The following PIEZO2 variants were observed in gnomAD, a reference collection of about 807,000 sequenced individuals.
PIEZO2 encodes piezo-type mechanosensitive ion channel component 2.
PIEZO2 carries 172 observed loss-of-function variants against 337.3 expected under a neutral mutation model. The ratio of observed to expected loss-of-function variants is 0.51; its 90% CI spans 0.45 to 0.58. The LOEUF (loss-of-function observed/expected upper bound fraction) is 0.58. PIEZO2 is among the 20% of genes least tolerant of loss of function. The pLI is 0.00. For synonymous variants in PIEZO2, 1,251 were observed against 1,228.5 expected (o/e 1.02, Z -0.38); for missense variants, 3,028 against 3,391.3 (o/e 0.89, Z 2.66).
chr18:10,678,985 T>G lies in PIEZO2; in HGVS notation c.7953-1110A>C, dbSNP rs539531974. Among the ~76,000 whole-genome samples the G allele has an allele frequency of 2.7e-5, 4 of 148,644 alleles. No individual in the cohort carries two copies. In the East Asian group the frequency reaches 7.9e-4, roughly 29 times the overall value. On this transcript the variant is annotated intron_variant, in intron 52 of 55. Coordinates refer to ENST00000674853, the MANE Select transcript of PIEZO2 (RefSeq NM_001378183.1). ...AATCTTGCTGTCACTCAGGCTGGAG[T>G]GCAGTGGCGTGATCTCAGCTCACTG... is the stretch of plus-strand genomic sequence containing the variant.
intron 49 of PIEZO2, among the ~76,000 whole-genome samples, chr18:10,683,738 C>T (rs552968984): frequency 8.7e-4 from 133 of 152,268 alleles, no homozygotes; most frequent in African/African-American, 3.1e-3. Flanking sequence ...AGATCATAGG[C>T]CACTCCTGTC....
At chr18:11,095,388 G>GT (rs1317593316) in intron 1 of PIEZO2, among the ~76,000 whole-genome samples, 1 of 152,154 alleles carries the variant, frequency 6.6e-6, no homozygotes, top group Non-Finnish European at 1.5e-5. Flanking sequence ...CACGGTGTGC[G>GT]TAACCTAAGA....
chr18:11,004,900 G>A (rs1171724353), intron 2 of PIEZO2, among the ~76,000 whole-genome samples: 1 of 152,232 alleles, frequency 6.6e-6, no homozygotes, highest in East Asian at 1.9e-4. Context: ...CAGGAGACAA[G>A]TGCCATGCCC....
rs1361737729 is a variant in PIEZO2 at position 10,677,767 on chromosome 18, T to C, written c.8061A>G (p.Thr2687=). Residue 2687 remains threonine, a synonymous_variant, in exon 53 of 56, where the codon ACA becomes ACG. Coordinates refer to ENST00000674853, the MANE Select transcript of PIEZO2 (RefSeq NM_001378183.1). The surrounding 1 kb of genome is among the most constrained non-coding windows in gnomAD (Gnocchi z 4.1). The stretch of plus-strand genomic sequence containing the variant: ...CTTACACTGGTGTTTTTGAACTTTC[T>C]GTGCTGTTGCCTGCTATCATTTTAG... ...NIAKMIAGNS[T]ESSKTPVTIE... The C allele has an allele frequency of 6.2e-7, 1 of 1,610,908 alleles. No homozygotes were observed. Among genetic ancestry groups the C allele is most frequent in the East Asian group, 2.2e-5 (1 of 44,854 alleles).
At position 10,773,674 on chromosome 18, in the gene PIEZO2, G is replaced by C. The variant is rs548263946; in HGVS notation, c.2568-45C>G. The C allele has an allele frequency of 8.3e-5, 126 of 1,515,054 alleles. 2 individuals carry two copies. The South Asian group carries it at 1.5e-3, about 18-fold the overall frequency. 93.9% of individuals were successfully genotyped at this position (1,515,054 alleles called of 1,614,324 possible). On this transcript the variant is annotated intron_variant, in intron 19 of 55. Coordinates refer to ENST00000674853, the MANE Select transcript of PIEZO2 (RefSeq NM_001378183.1). The surrounding 1 kb of genome is among the most constrained non-coding windows in gnomAD (Gnocchi z 5.3). ...GAGTCAGAAGAGGAAAGGGTGTTGG[G>C]AGAGATTTGACTGAGGGGCAAGTAA...
Position 10,705,441 on chromosome 18 carries a change from T to A in PIEZO2, c.5894A>T (p.Asn1965Ile). Residue 1965 changes from asparagine (N) to isoleucine (I), a missense_variant, in exon 41 of 56, where the codon AAC becomes ATC. Around this residue, in one of 5 missense-constraint regions of PIEZO2, gnomAD observed 1,925 missense variants for 2,051.9 expected, o/e 0.94. Coordinates refer to ENST00000674853, the MANE Select transcript of PIEZO2 (RefSeq NM_001378183.1). The part of the protein sequence containing the change: ...FGSQDDSAGK[N>I]RMAVSPDDSR... The stretch of plus-strand genomic sequence containing the variant: ...GTCGTCCGGGCTGACTGCCATACGG[T>A]TCTTGCCTGCAGAGTCGTCCTGCGA... 6.5e-7 allele frequency: 1 copy of A among 1,537,072 alleles called. No individual in the cohort carries two copies. The highest frequency in any genetic ancestry group is 8.7e-7 in the Non-Finnish European group (1 of 1,146,876).
At chr18:10,873,365 C>G (rs2042185633) in intron 4 of PIEZO2, among the ~76,000 whole-genome samples, 1 of 152,156 alleles carries the variant, frequency 6.6e-6, no homozygotes, top group African/African-American at 2.4e-5. Context: ...TTCCCAAAAG[C>G]CACATAGAGA....
In PIEZO2 at chr18:11,002,116, C is replaced by T. The variant is rs554710912; in HGVS notation, c.161-22456G>A. ...CAAATAGCCATAGAAAATACATGGA[C>T]GAATTAATAATGATTATAGTCCAAT... On this transcript the variant is annotated intron_variant, in intron 2 of 55. Transcript: ENST00000674853. The surrounding 1 kb of genome is among the most constrained non-coding windows in gnomAD (Gnocchi z 4.3). Among the ~76,000 whole-genome samples the T allele has an allele frequency of 1.1e-4, 16 of 152,218 alleles. No homozygotes were observed. Among genetic ancestry groups the T allele is most frequent in the Admixed American group, 2.6e-4 (4 of 15,290 alleles).
At chr18:10,918,619 T>C (rs1459208597) in intron 3 of PIEZO2, among the ~76,000 whole-genome samples, 1 of 152,110 alleles carries the variant, frequency 6.6e-6, no homozygotes, top group East Asian at 1.9e-4. Context: ...TTTTTCCTTA[T>C]TTGTAAAATA....
intron 3 of PIEZO2, among the ~76,000 whole-genome samples, chr18:10,920,002 C>T (rs528934594): frequency 1.6e-4 from 24 of 152,178 alleles, no homozygotes; most frequent in East Asian, 3.9e-4. Flanking sequence ...GTATGTCTCC[C>T]GTGGAAACCA....
chr18:10,924,599 G>A (rs193114144), intron 3 of PIEZO2, among the ~76,000 whole-genome samples: 3 of 152,246 alleles, frequency 2.0e-5, no homozygotes, highest in East Asian at 1.9e-4. Flanking sequence ...ATGCAAAGTC[G>A]ACCAACAAGG....
At chr18:10,912,150 T>A (rs3912478) in intron 3 of PIEZO2, among the ~76,000 whole-genome samples, 5 of 152,236 alleles carry the variant, frequency 3.3e-5, no homozygotes, top group Admixed American at 1.3e-4. Flanking sequence ...CCATAAGAGA[T>A]GGACAGCTGG....
In PIEZO2 at chr18:10,767,473, C is replaced by T. The variant is rs1045350637; in HGVS notation, c.2946+2675G>A. 6.6e-6 allele frequency among the ~76,000 whole-genome samples: 1 copy of T among 151,942 alleles called. No individual in the cohort carries two copies. The highest frequency in any genetic ancestry group is 2.4e-5 in the African/African-American group (1 of 41,380). Reference sequence around the variant, plus strand: ...TGGAGAGGGGCTGCATCCTGCCTGTCCCCCAAGCCCCCAGTGCCAAGATGA... The same window carrying T: ...TGGAGAGGGGCTGCATCCTGCCTGTTCCCCAAGCCCCCAGTGCCAAGATGA... On this transcript the variant is annotated intron_variant, in intron 21 of 55. Transcript: ENST00000674853. This position sits in a 1 kb window ranked among gnomAD's most constrained non-coding sequence, Gnocchi z 4.2.
chr18:10,720,326 T>TAA lies in PIEZO2; in HGVS notation c.5030-2069_5030-2068dup, dbSNP rs1555631557. Among the ~76,000 whole-genome samples, 144 of 137,564 alleles carry TAA rather than the reference T, an allele frequency of 1.0e-3. 11 individuals are homozygous for TAA. Among genetic ancestry groups the TAA allele is most frequent in the African/African-American group, 3.7e-3 (135 of 36,816 alleles). 90.2% of individuals were successfully genotyped at this position (137,564 alleles called of 152,430 possible). A position where few individuals can be genotyped will look rare whatever the true frequency, so the allele number is the denominator to read the frequency against. On this transcript the variant is annotated intron_variant, in intron 36 of 55. Transcript: ENST00000674853. ...CTCTCTGTGTGTATATATATATATA[T>TAA]AATATATATATCTCATATATATGTC...
chr18:10,711,476 G>A (rs745632850), intron 39 of PIEZO2, among the ~76,000 whole-genome samples: 3 of 152,054 alleles, frequency 2.0e-5, no homozygotes, highest in Non-Finnish European at 4.4e-5. Flanking sequence ...CCCTGTGGGA[G>A]ACTATATGGC....
chr18:10,926,677 TATC>T (rs1230416788), intron 3 of PIEZO2, among the ~76,000 whole-genome samples: 2 of 151,974 alleles, frequency 1.3e-5, no homozygotes, highest in African/African-American at 4.8e-5. Flanking sequence ...TGATGAAAAA[TATC>T]ATGTCCGGGC....
chr18:10,976,619 G>A (rs1003260859), intron 3 of PIEZO2, among the ~76,000 whole-genome samples: 2 of 151,988 alleles, frequency 1.3e-5, no homozygotes, highest in African/African-American at 2.4e-5. Flanking sequence ...CTTTCATCTG[G>A]GGATAGCAAA....
Position 10,726,447 on chromosome 18 carries a change from C to T in PIEZO2, c.5029+4960G>A. On this transcript the variant is annotated intron_variant, in intron 36 of 55. Transcript: ENST00000674853. This position sits in a 1 kb window ranked among gnomAD's most constrained non-coding sequence, Gnocchi z 5.9. ...GGGCCGGCTGCGGTACGGGCTACGG[C>T]CGGCGAACCCCACGAGGAGGGCCTG... 2.0e-6 allele frequency: 3 copies of T among 1,529,666 alleles called. No individual in the cohort carries two copies. The highest frequency in any genetic ancestry group is 1.7e-6 in the Non-Finnish European group (2 of 1,144,828). 94.8% of individuals were successfully genotyped at this position (1,529,666 alleles called of 1,614,324 possible).
chr18:11,055,561 GCA>G (rs1439199433), intron 2 of PIEZO2, among the ~76,000 whole-genome samples: 2 of 152,226 alleles, frequency 1.3e-5, no homozygotes, highest in Non-Finnish European at 1.5e-5. Context: ...AGCTGTGACA[GCA>G]CAGAGGTGCC....
Sources: gnomAD v4.1 joint callset for allele counts (sites outside exome capture counted in the v4.1 genomes callset) on GRCh38, gnomAD v4.1.1 for gene constraint, gnomAD v4.1.1 regional missense constraint, Gnocchi (gnomAD v3.1) non-coding constraint, MANE v1.5 for transcripts, NCBI Gene and HGNC (gene_info 2026-07-23, HGNC 2026-07-21) for gene names.